The following TANGO6 variants were observed in gnomAD, a reference collection of about 807,000 sequenced individuals.
The protein encoded by TANGO6 is transport and golgi organization 6 homolog.
Under a neutral mutation model 114.2 loss-of-function variants are expected in TANGO6, and 90 were observed. The observed-to-expected ratio is 0.79, with a 90% confidence interval of 0.66 to 0.94. The LOEUF is 0.94. Among genes scored for constraint, TANGO6 ranks in the 40% least tolerant of loss-of-function variants. TANGO6 has a pLI of 0.00. For synonymous variants in TANGO6, 477 were observed against 509.8 expected, an observed-to-expected ratio of 0.94 and a Z score of 0.87; for missense variants, 1,274 against 1,315.3, an observed-to-expected ratio of 0.97 and a Z score of 0.49.
At chr16:68,854,162 T>C (rs1961948677) in intron 1 of TANGO6, among the ~76,000 whole-genome samples, 1 of 152,206 alleles carries the variant, frequency 6.6e-6, no homozygotes. Flanking sequence ...TTTTATGTTT[T>C]AAGAATTCTG....
chr16:68,937,510 T>G (rs1963311462), intron 14 of TANGO6: 1 of 152,220 alleles, frequency 6.6e-6, no homozygotes, highest in Non-Finnish European at 1.5e-5. Context: ...TAAAACATTT[T>G]TATCATTTCA....
At chr16:68,915,454 A>G (rs929956549) in intron 11 of TANGO6, among the ~76,000 whole-genome samples, 6 of 152,026 alleles carry the variant, frequency 3.9e-5, no homozygotes, top group African/African-American at 1.4e-4. Context: ...TTTTCTAGAG[A>G]CAGGGTCTCA....
Position 68,860,529 on chromosome 16 carries a change from A to C in TANGO6, c.735+5A>C, listed in dbSNP as rs1962077851. ...CTGCTAACACCTGCAGAAGAGGTAAATATACATTGAGAAAGAGAGAGGGAG... is the reference window on the plus strand; with the variant it reads ...CTGCTAACACCTGCAGAAGAGGTAACTATACATTGAGAAAGAGAGAGGGAG... On this transcript the variant is annotated splice_donor_5th_base_variant and intron_variant, in intron 2 of 17. Coordinates refer to ENST00000261778, the MANE Select transcript of TANGO6 (RefSeq NM_024562.2). The C allele has an allele frequency of 6.2e-7, 1 of 1,609,158 alleles. No individual in the cohort carries two copies. The highest frequency in any genetic ancestry group is 2.2e-5 in the East Asian group (1 of 44,786).
At chr16:69,062,787 T>TAAAAA (rs35731381) in intron 17 of TANGO6, among the ~76,000 whole-genome samples, 6 of 113,724 alleles carry the variant, frequency 5.3e-5, no homozygotes, top group Admixed American at 9.9e-5. Flanking sequence ...AAAAGAAATT[T>TAAAAA]AAAAAAAAAA....
chr16:69,083,635 GAGA>G lies in TANGO6; in HGVS notation c.3266_3268del (p.Lys1089del), dbSNP rs1286709290. 5 of 1,567,768 alleles carry G rather than the reference GAGA, an allele frequency of 3.2e-6. No homozygotes were observed. The highest frequency in any genetic ancestry group is 2.4e-5 in the East Asian group (1 of 42,300). Reference sequence around the variant, plus strand: ...CTTCCTGTTCCCTCCACAGAAGCTGGAGAAGAAGATCATGGTCCTGCCGTAGAC... The same window carrying G: ...CTTCCTGTTCCCTCCACAGAAGCTGGAGAAGATCATGGTCCTGCCGTAGAC... On this transcript the variant is annotated inframe_deletion, in exon 18 of 18. Transcript: ENST00000261778.
rs751703278 is a variant in TANGO6 at position 68,860,423 on chromosome 16, G to A, written c.634G>A (p.Gly212Arg). 2 of 1,613,974 alleles carry A rather than the reference G, an allele frequency of 1.2e-6. No homozygotes were observed. Among genetic ancestry groups the A allele is most frequent in the South Asian group, 2.2e-5 (2 of 91,082 alleles). Residue 212 changes from glycine (G) to arginine (R), a missense_variant, in exon 2 of 18, where the codon GGG (glycine) becomes AGG (arginine). This residue lies in a region of TANGO6 where 908 missense variants were observed against 910.2 expected (regional missense o/e 1.00). Coordinates refer to ENST00000261778, the MANE Select transcript of TANGO6 (RefSeq NM_024562.2). ...GAATGTTGCTCAGCACACATCTCTGGGGAGCTTGATCTTCTGCCACCACTT... is the reference window on the plus strand; with the variant it reads ...GAATGTTGCTCAGCACACATCTCTGAGGAGCTTGATCTTCTGCCACCACTT... ...LLNVAQHTSL[G>R]SLIFCHHFGD...
intron 1 of TANGO6, among the ~76,000 whole-genome samples, chr16:68,859,242 C>T (rs1256550451): frequency 6.6e-6 from 1 of 152,186 alleles, no homozygotes; most frequent in Non-Finnish European, 1.5e-5. Flanking sequence ...GCAGTCTCAG[C>T]TCACTGCAGC....
intron 1 of TANGO6, among the ~76,000 whole-genome samples, chr16:68,855,614 G>T (rs1487958706): frequency 6.6e-6 from 1 of 152,016 alleles, no homozygotes. Context: ...GCCGGGCGTG[G>T]TGGTGCATGC....
At position 69,069,934 on chromosome 16, in the gene TANGO6, C is replaced by T. The variant is rs886251178; in HGVS notation, c.3109-13551C>T. ...AGAAAATAAAGTAGTGGGCCAGGCA[C>T]GGTGGCTCATGCCTGTAATCCCAGC... On this transcript the variant is annotated intron_variant, in intron 17 of 17. Coordinates refer to ENST00000261778, the MANE Select transcript of TANGO6 (RefSeq NM_024562.2). 4.6e-5 allele frequency among the ~76,000 whole-genome samples: 7 copies of T among 151,676 alleles called. No homozygotes were observed. In the East Asian group the frequency reaches 9.7e-4, roughly 21 times the overall value.
At chr16:68,971,520 C>T (rs925279700) in intron 14 of TANGO6, among the ~76,000 whole-genome samples, 2 of 152,128 alleles carry the variant, frequency 1.3e-5, no homozygotes, top group African/African-American at 4.8e-5. Context: ...AGTGATCCTC[C>T]CACCTCAGCC....
At chr16:68,975,938 G>A (rs1191267493) in intron 15 of TANGO6, among the ~76,000 whole-genome samples, 1 of 151,896 alleles carries the variant, frequency 6.6e-6, no homozygotes, top group Non-Finnish European at 1.5e-5. Flanking sequence ...TTTTGTTGTT[G>A]TTGTTGTTAT....
rs890082478 is a variant in TANGO6 at position 69,084,875 on chromosome 16, A to G, written c.*1214A>G. The G allele has an allele frequency of 6.6e-6, 1 of 152,382 alleles. No homozygotes were observed. The highest frequency in any genetic ancestry group is 2.4e-5 in the African/African-American group (1 of 41,476). The allele number at this position is 152,382 out of a possible 1,614,324, so 9.4% of individuals were successfully genotyped here. A position where few individuals can be genotyped will look rare whatever the true frequency, so the allele number is the denominator to read the frequency against. The stretch of plus-strand genomic sequence containing the variant: ...CAAACATGGCTATTTGCTAGTTAAC[A>G]ACAGGATATTTCTCTCTGGCCAGAT... On this transcript the variant is annotated 3_prime_UTR_variant, in exon 18 of 18. Transcript: ENST00000261778.
chr16:68,993,371 T>C (rs1963962075), intron 15 of TANGO6, among the ~76,000 whole-genome samples: 1 of 152,266 alleles, frequency 6.6e-6, no homozygotes, highest in Non-Finnish European at 1.5e-5. Flanking sequence ...TCTAATTCAA[T>C]ATATGTATGA....
intron 14 of TANGO6, among the ~76,000 whole-genome samples, chr16:68,953,201 G>A (rs893790869): frequency 4.6e-5 from 7 of 151,636 alleles, no homozygotes; most frequent in African/African-American, 1.5e-4. Context: ...CTCCTGCCTC[G>A]GCTTCCTGAG....
At chr16:69,083,449 A>G (rs756545460) in intron 17 of TANGO6, 36 bp from the exon 18 acceptor site, 8 of 1,586,790 alleles carry the variant, frequency 5.0e-6, no homozygotes, top group Non-Finnish European at 6.9e-6. Context: ...ATGCCGGCAC[A>G]GTAGACAGGC....
At chr16:68,988,951 G>C (rs1316752447) in intron 15 of TANGO6, among the ~76,000 whole-genome samples, 1 of 151,996 alleles carries the variant, frequency 6.6e-6, no homozygotes, top group Non-Finnish European at 1.5e-5. Flanking sequence ...ACTGCACCTC[G>C]ACCTCGCAGC....
At chr16:68,864,032 G>T (rs1439288962) in intron 3 of TANGO6, among the ~76,000 whole-genome samples, 2 of 151,912 alleles carry the variant, frequency 1.3e-5, no homozygotes, top group Non-Finnish European at 2.9e-5. Context: ...AAATTAGCCG[G>T]GCATGGTGAC....
intron 17 of TANGO6, among the ~76,000 whole-genome samples, chr16:69,066,026 G>A (rs995225761): frequency 2.6e-5 from 4 of 152,162 alleles, no homozygotes; most frequent in Middle Eastern, 3.2e-3. Flanking sequence ...TTCCCCGGCA[G>A]AATTCTTCCT....
intron 16 of TANGO6, among the ~76,000 whole-genome samples, chr16:69,027,866 C>T (rs1232042083): frequency 6.6e-6 from 1 of 152,024 alleles, no homozygotes; most frequent in Non-Finnish European, 1.5e-5. Context: ...CTGCAACCTC[C>T]GCCTCCCAGG....
Sources: allele counts gnomAD v4.1 joint callset (sites outside exome capture counted in the v4.1 genomes callset), GRCh38; gene constraint gnomAD v4.1.1; regional missense constraint gnomAD v4.1.1; transcripts MANE v1.5; gene names NCBI Gene and HGNC (gene_info 2026-07-23, HGNC 2026-07-21).